ATXN1: variants seen among roughly 807,000 people sequenced by gnomAD.
ATXN1 encodes ataxin 1.
In ATXN1, 8 loss-of-function variants were observed where a neutral mutation model predicts 56.4. The ratio of observed to expected loss-of-function variants is 0.14; its 90% CI spans 0.08 to 0.26. The LOEUF (loss-of-function observed/expected upper bound fraction) is 0.26, where lower values mean the gene tolerates loss of function less well. Among genes scored for constraint, ATXN1 ranks in the 10% least tolerant of loss-of-function variants. The pLI is 1.00. For synonymous variants in ATXN1, 514 were observed against 494.6 expected (o/e 1.04, Z -0.52); for missense variants, 987 against 1,106.5 (o/e 0.89, Z 1.53).
In ATXN1 at chr6:16,760,084, C is replaced by A. The variant is rs1367347077; in HGVS notation, c.-730+1214G>T. 6.6e-6 allele frequency among the ~76,000 whole-genome samples: 1 copy of A among 152,168 alleles called. No individual in the cohort carries two copies. The highest frequency in any genetic ancestry group is 1.5e-5 in the Non-Finnish European group (1 of 68,024). Reference sequence around the variant, plus strand: ...CTCGCTCCGCCCGTCCGGCCCCCTTCCCTGCCCCCTGCGGGACCGGCCTGC... The same window carrying A: ...CTCGCTCCGCCCGTCCGGCCCCCTTACCTGCCCCCTGCGGGACCGGCCTGC... On this transcript the variant is annotated intron_variant, in intron 1 of 7. Transcript: ENST00000436367. The surrounding 1 kb of genome is among the most constrained non-coding windows in gnomAD (Gnocchi z 5.3).
At chr6:16,444,955 C>T (rs1282726316) in intron 6 of ATXN1, among the ~76,000 whole-genome samples, 1 of 152,094 alleles carries the variant, frequency 6.6e-6, no homozygotes, top group African/African-American at 2.4e-5. Flanking sequence ...TTAGCAACAC[C>T]ACATGGAGGC....
At chr6:16,464,530 C>T (rs887330788) in intron 6 of ATXN1, among the ~76,000 whole-genome samples, 5 of 152,134 alleles carry the variant, frequency 3.3e-5, no homozygotes, top group African/African-American at 1.2e-4. Flanking sequence ...TCCATGCCAT[C>T]TTTAAGAGCT....
intron 6 of ATXN1, among the ~76,000 whole-genome samples, chr6:16,476,523 C>CA (rs201571540): frequency 0.088 from 12,167 of 138,358 alleles, 533 homozygotes; most frequent in East Asian, 0.12. Context: ...TATAATAATC[C>CA]AAAAAAAAAA....
chr6:16,548,501 CTT>C (rs1011017960), intron 4 of ATXN1, among the ~76,000 whole-genome samples: 1 of 152,190 alleles, frequency 6.6e-6, no homozygotes, highest in African/African-American at 2.4e-5. Context: ...CTTTTCGACT[CTT>C]GTAATAATAC....
chr6:16,675,656 G>A (rs767636909), intron 2 of ATXN1, among the ~76,000 whole-genome samples: 29 of 152,120 alleles, frequency 1.9e-4, no homozygotes, highest in South Asian at 1.0e-3. Context: ...TGAGGCTGGC[G>A]GATCATTTGA....
intron 5 of ATXN1, among the ~76,000 whole-genome samples, chr6:16,510,944 A>C (rs1458904558): frequency 6.6e-6 from 1 of 152,196 alleles, no homozygotes; most frequent in Admixed American, 6.5e-5. Flanking sequence ...CACTTCTCCC[A>C]CTTTAATGAA....
At position 16,735,071 on chromosome 6, in the gene ATXN1, GT is replaced by G. The variant is rs1401366106; in HGVS notation, c.-615+18161del. On this transcript the variant is annotated intron_variant, in intron 2 of 7. Coordinates refer to ENST00000436367, the MANE Select transcript of ATXN1 (RefSeq NM_001128164.2). ...TGCAAGTTCTACAATGACACAGGTG[GT>G]AGGCAATAGAGTATAATTAGTTAAA... Among the ~76,000 whole-genome samples, 5 of 152,252 alleles carry G rather than the reference GT, an allele frequency of 3.3e-5. No homozygotes were observed. The East Asian group carries it at 7.7e-4, about 23-fold the overall frequency.
chr6:16,331,284 A>C (rs1760986151), intron 6 of ATXN1, among the ~76,000 whole-genome samples: 2 of 152,238 alleles, frequency 1.3e-5, no homozygotes, highest in African/African-American at 4.8e-5. Flanking sequence ...TACAGGCGTG[A>C]GCCACTGCGC....
chr6:16,708,574 T>C (rs1157871136), intron 2 of ATXN1, among the ~76,000 whole-genome samples: 1 of 152,196 alleles, frequency 6.6e-6, no homozygotes, highest in Admixed American at 6.5e-5. Context: ...TGTAGCCATA[T>C]TCAGATCAGT....
In ATXN1 at chr6:16,410,353, C is replaced by T. The variant is rs1473340797; in HGVS notation, c.-161+75619G>A. On this transcript the variant is annotated intron_variant, in intron 6 of 7. Coordinates refer to ENST00000436367, the MANE Select transcript of ATXN1 (RefSeq NM_001128164.2). The surrounding 1 kb of genome is among the most constrained non-coding windows in gnomAD (Gnocchi z 4.6). ...AACCAAACAAGTGCTGAAGGGACCC[C>T]TATGGAGGCAGAGAACCTGAAATGA... Among the ~76,000 whole-genome samples, 3 of 152,172 alleles carry T rather than the reference C, an allele frequency of 2.0e-5. No homozygotes were observed. Among genetic ancestry groups the T allele is most frequent in the Non-Finnish European group, 4.4e-5 (3 of 68,032 alleles).
chr6:16,461,724 C>T (rs563528050), intron 6 of ATXN1, among the ~76,000 whole-genome samples: 21 of 152,162 alleles, frequency 1.4e-4, no homozygotes, highest in Non-Finnish European at 1.6e-4. Context: ...GACAATGGTC[C>T]GGCTCTTAAA....
chr6:16,348,558 C>T (rs543505575), intron 6 of ATXN1, among the ~76,000 whole-genome samples: 12 of 152,060 alleles, frequency 7.9e-5, no homozygotes, highest in South Asian at 2.1e-4. Flanking sequence ...AAAAATTAGC[C>T]GGGCTTGGTG....
chr6:16,554,736 A>G (rs1761980892), intron 4 of ATXN1, among the ~76,000 whole-genome samples: 1 of 147,050 alleles, frequency 6.8e-6, no homozygotes, highest in Admixed American at 6.7e-5. Flanking sequence ...TTACAGGCAC[A>G]TGCCACCACG....
intron 3 of ATXN1, among the ~76,000 whole-genome samples, chr6:16,635,520 G>A (rs2113814576): frequency 6.6e-6 from 1 of 152,254 alleles, no homozygotes; most frequent in South Asian, 2.1e-4. Flanking sequence ...CTGAGGATGT[G>A]ACAGAAGTTC....
intron 5 of ATXN1, among the ~76,000 whole-genome samples, chr6:16,504,641 CT>C (rs1201666083): frequency 6.6e-6 from 1 of 152,146 alleles, no homozygotes; most frequent in Non-Finnish European, 1.5e-5. Context: ...AGGAAAAGGA[CT>C]TGAAAAGGGT....
At chr6:16,690,823 G>A (rs1759028897) in intron 2 of ATXN1, among the ~76,000 whole-genome samples, 1 of 152,092 alleles carries the variant, frequency 6.6e-6, no homozygotes, top group South Asian at 2.1e-4. Context: ...ACCATACTGT[G>A]GGGCAGAATC....
intron 6 of ATXN1, among the ~76,000 whole-genome samples, chr6:16,345,605 T>C (rs1761364277): frequency 6.6e-6 from 1 of 152,172 alleles, no homozygotes; most frequent in Admixed American, 6.5e-5. Flanking sequence ...CTTCTGACCC[T>C]CAAAAGATGA....
At position 16,758,420 on chromosome 6, in the gene ATXN1, T is replaced by C. The variant is rs190622461; in HGVS notation, c.-730+2878A>G. On this transcript the variant is annotated intron_variant, in intron 1 of 7. Coordinates refer to ENST00000436367, the MANE Select transcript of ATXN1 (RefSeq NM_001128164.2). ...TTCACAATAAACACCAGCAGGATTG[T>C]CAGGCTCCTTTCACTGTCTGGGGAG... Among the ~76,000 whole-genome samples the C allele has an allele frequency of 3.3e-5, 5 of 152,330 alleles. No homozygotes were observed. The East Asian group carries it at 5.8e-4, about 18-fold the overall frequency.
At chr6:16,614,843 A>G (rs146045857) in intron 3 of ATXN1, 1 of 151,696 alleles carries the variant, frequency 6.6e-6, no homozygotes, top group African/African-American at 2.4e-5. Context: ...GAATCACTTG[A>G]GCCTGGGAGG....
Sources: gnomAD v4.1 joint callset for allele counts (sites outside exome capture counted in the v4.1 genomes callset) on GRCh38, gnomAD v4.1.1 for gene constraint, Gnocchi (gnomAD v3.1) non-coding constraint, MANE v1.5 for transcripts, NCBI Gene and HGNC (gene_info 2026-07-23, HGNC 2026-07-21) for gene names.